TRIM9: variants seen among roughly 807,000 people sequenced by gnomAD.
The protein encoded by TRIM9 is E3 ubiquitin-protein ligase TRIM9.
TRIM9 carries 26 observed loss-of-function variants against 78.3 expected under a neutral mutation model. The observed-to-expected ratio is 0.33, with a 90% CI of 0.24 to 0.46. TRIM9 has a LOEUF of 0.46. TRIM9 is among the 20% of genes least tolerant of loss of function. The pLI, the probability that TRIM9 is intolerant of heterozygous loss-of-function variation, is 1.00. For synonymous variants in TRIM9, 398 were observed against 416.5 expected (o/e 0.96, Z 0.54); for missense variants, 787 against 1,036.4 (o/e 0.76, Z 3.30).
chr14:51,000,767 C>A lies in TRIM9; in HGVS notation c.1380G>T (p.Leu460Phe), dbSNP rs1441123525. ...ECCTHNNSAT[L>F]SWKQPPLSTV... ...TGGACAGAGGTGGCTGTTTCCAGGA[C>A]AACGTAGCGCTGTTGTTGTGGGTAC... Residue 460 changes from leucine (L) to phenylalanine (F), a missense_variant, in exon 6 of 13, where the codon TTG (leucine) becomes TTT (phenylalanine). Leu to Phe is a conservative substitution (Grantham distance 22). Transcript: ENST00000684578. The A allele has an allele frequency of 1.9e-6, 3 of 1,614,200 alleles. No individual in the cohort carries two copies. The highest frequency in any genetic ancestry group is 2.5e-6 in the Non-Finnish European group (3 of 1,180,036).
At chr14:51,086,729 C>T (rs1399166848) in intron 1 of TRIM9, among the ~76,000 whole-genome samples, 1 of 151,998 alleles carries the variant, frequency 6.6e-6, no homozygotes, top group Non-Finnish European at 1.5e-5. Context: ...GGTGACAGGG[C>T]TGGGAAGAGA....
At chr14:51,049,488 G>A (rs887134647) in intron 1 of TRIM9, among the ~76,000 whole-genome samples, 1 of 152,068 alleles carries the variant, frequency 6.6e-6, no homozygotes, top group South Asian at 2.1e-4. Flanking sequence ...CCATTTGTTT[G>A]TTCATTCCTT....
chr14:50,986,204 G>A, intron 7 of TRIM9, 60 bp from the exon 8 acceptor site: 1 of 1,336,680 alleles, frequency 7.5e-7, no homozygotes, highest in South Asian at 2.0e-5. Flanking sequence ...CCCCGTGCAC[G>A]GTTCCCCAAG....
At chr14:50,997,263 G>A (rs2054330560) in intron 7 of TRIM9, 1 of 985,206 alleles carries the variant, frequency 1.0e-6, no homozygotes, top group African/African-American at 1.7e-5. Flanking sequence ...TCAAATTCAA[G>A]CCTCTCATCT....
chr14:51,082,950 T>A (rs1032544605), intron 1 of TRIM9, among the ~76,000 whole-genome samples: 5 of 152,194 alleles, frequency 3.3e-5, no homozygotes, highest in African/African-American at 1.2e-4. Context: ...TTGGCACTTG[T>A]GAACTGTGAC....
At position 51,094,495 on chromosome 14, in the gene TRIM9, G is replaced by A; in HGVS notation, c.445C>T (p.Arg149Cys). 1 of 1,613,690 alleles carries A rather than the reference G, an allele frequency of 6.2e-7. No homozygotes were observed. Among genetic ancestry groups the A allele is most frequent in the Non-Finnish European group, 8.5e-7 (1 of 1,179,926 alleles). ...DRGLRGFPKN[R>C]VLEGVIDRYQ... ...CGGTCAATTACCCCTTCCAGTACGC[G>A]ATTCTTGGGGAAGCCGCGGAGCCCC... The change falls in exon 1 of 13, where the codon CGC becomes TGC. Residue 149 changes from arginine (R) to cysteine (C), a missense_variant. By Grantham distance (180) the Arg-to-Cys change is radical. Around this residue, in one of 3 missense-constraint regions of TRIM9, gnomAD observed 352 missense variants for 472.3 expected, o/e 0.75. Transcript: ENST00000684578.
chr14:50,980,373 T>C (rs1596083634), intron 11 of TRIM9, among the ~76,000 whole-genome samples: 1 of 152,232 alleles, frequency 6.6e-6, no homozygotes, highest in Non-Finnish European at 1.5e-5. Context: ...TCCCATTTTT[T>C]TGAGATCTAG....
intron 1 of TRIM9, among the ~76,000 whole-genome samples, chr14:51,051,193 A>AT (rs1243904085): frequency 3.9e-5 from 6 of 152,232 alleles, no homozygotes; most frequent in Non-Finnish European, 7.3e-5. Flanking sequence ...TCATACCCAG[A>AT]TAACTATAGG....
At chr14:51,086,771 C>G (rs921505812) in intron 1 of TRIM9, among the ~76,000 whole-genome samples, 3 of 150,868 alleles carry the variant, frequency 2.0e-5, no homozygotes, top group African/African-American at 7.4e-5. Context: ...AGGAAGGGGA[C>G]TGAAATGACC....
intron 1 of TRIM9, among the ~76,000 whole-genome samples, chr14:51,052,459 G>C (rs2060512086): frequency 6.6e-6 from 1 of 152,170 alleles, no homozygotes; most frequent in Non-Finnish European, 1.5e-5. Context: ...AGCCCCTGGA[G>C]TTATTTATTT....
chr14:51,061,090 G>C (rs2061318384), intron 1 of TRIM9, among the ~76,000 whole-genome samples: 3 of 152,216 alleles, frequency 2.0e-5, no homozygotes, highest in African/African-American at 7.2e-5. Flanking sequence ...TTTGTGAAGT[G>C]TCTGCTCGAG....
At chr14:51,017,228 C>T (rs1566582124) in intron 3 of TRIM9, among the ~76,000 whole-genome samples, 1 of 152,186 alleles carries the variant, frequency 6.6e-6, no homozygotes, top group Non-Finnish European at 1.5e-5. Flanking sequence ...CAAATATTTT[C>T]CCCGTTCTCT....
At chr14:51,068,707 A>T (rs921984061) in intron 1 of TRIM9, among the ~76,000 whole-genome samples, 2 of 152,194 alleles carry the variant, frequency 1.3e-5, no homozygotes, top group African/African-American at 4.8e-5. Context: ...GAGAAGAATA[A>T]GGATGTAAAG....
chr14:50,998,159 G>A lies in TRIM9; in HGVS notation c.1494C>T (p.Cys498=), dbSNP rs1488607514. The A allele has an allele frequency of 4.3e-6, 7 of 1,614,174 alleles. No individual in the cohort carries two copies. Among genetic ancestry groups the A allele is most frequent in the South Asian group, 2.2e-5 (2 of 91,076 alleles). ...TGTTGAAGTGAAGACCATCCACAGT[G>A]CACATTGTCTCCTTCCCCACATACA... is the stretch of plus-strand genomic sequence containing the variant. The part of the protein sequence containing the change: ...REVYVGKETM[C]TVDGLHFNST... Residue 498 remains cysteine, a synonymous_variant, in exon 7 of 13, where the codon TGC becomes TGT. Coordinates refer to ENST00000684578, the MANE Select transcript of TRIM9 (RefSeq NM_001387360.1).
chr14:50,992,005 A>C (rs971123223), intron 7 of TRIM9, among the ~76,000 whole-genome samples: 1 of 152,220 alleles, frequency 6.6e-6, no homozygotes, highest in Non-Finnish European at 1.5e-5. Context: ...CTCAGTGGGG[A>C]CCAAGGTTTG....
At chr14:50,996,388 G>A (rs745923898) in intron 7 of TRIM9, 37 of 985,188 alleles carry the variant, frequency 3.8e-5, no homozygotes, top group South Asian at 1.9e-4. Flanking sequence ...AAACTGAGGC[G>A]CTACATCCTC....
chr14:51,047,185 A>T (rs1005468872), intron 1 of TRIM9, among the ~76,000 whole-genome samples: 4 of 152,062 alleles, frequency 2.6e-5, no homozygotes, highest in African/African-American at 9.7e-5. Flanking sequence ...GCCTTTTAAC[A>T]TTCTGTCCCT....
chr14:51,070,939 C>T (rs973050182), intron 1 of TRIM9, among the ~76,000 whole-genome samples: 2 of 151,856 alleles, frequency 1.3e-5, no homozygotes, highest in South Asian at 4.2e-4. Flanking sequence ...GCATCCAGAA[C>T]CAAAATAGAA....
chr14:51,016,373 C>T (rs142271229), intron 3 of TRIM9, among the ~76,000 whole-genome samples: 2,052 of 151,970 alleles, frequency 0.014, 18 homozygotes, highest in Middle Eastern at 0.051. Flanking sequence ...CTGTGAACTG[C>T]GCATGCAAGG....
Sources: gnomAD v4.1 joint callset for allele counts (sites outside exome capture counted in the v4.1 genomes callset) on GRCh38, gnomAD v4.1.1 for gene constraint, gnomAD v4.1.1 regional missense constraint, MANE v1.5 for transcripts, NCBI Gene and HGNC (gene_info 2026-07-23, HGNC 2026-07-21) for gene names.